Variants in DENND1B observed in about 807,000 individuals in gnomAD.
The protein encoded by DENND1B is DENN domain containing 1B, also known as DENN domain-containing protein 1B.
Under a neutral mutation model 90.1 loss-of-function variants are expected in DENND1B, and 59 were observed. The ratio of observed to expected loss-of-function variants is 0.65; its 90% CI spans 0.53 to 0.81. The LOEUF is 0.81. DENND1B is among the 40% of genes least tolerant of loss of function. The pLI is 0.00. For synonymous variants in DENND1B, 337 were observed against 324.6 expected, an observed-to-expected ratio of 1.04 and a Z score of -0.41; for missense variants, 862 against 912.6, an observed-to-expected ratio of 0.94 and a Z score of 0.71.
At chr1:197,553,149 A>C (rs369137440) in intron 15 of DENND1B, 37 bp from the exon 16 acceptor site, 32 of 1,452,136 alleles carry the variant, frequency 2.2e-5, no homozygotes, top group Non-Finnish European at 2.9e-5. Flanking sequence ...TGTATCAAAT[A>C]AAATGTTATC....
chr1:197,674,105 A>G lies in DENND1B; in HGVS notation c.176+15T>C. 1 of 1,554,238 alleles carries G rather than the reference A, an allele frequency of 6.4e-7. No homozygotes were observed. Among genetic ancestry groups the G allele is most frequent in the African/African-American group, 1.4e-5 (1 of 72,784 alleles). ...TAAGAATCTACATTTATTTTAAATG[A>G]TACTTATACTGTACCTTTCAACGTC... On this transcript the variant is annotated intron_variant, in intron 4 of 22. Coordinates refer to ENST00000620048, the MANE Select transcript of DENND1B (RefSeq NM_001195215.2).
intron 10 of DENND1B, among the ~76,000 whole-genome samples, chr1:197,637,561 T>C (rs544801317): frequency 1.3e-5 from 2 of 152,204 alleles, no homozygotes; most frequent in South Asian, 4.1e-4. Flanking sequence ...CCTTCACACA[T>C]CCCTTCCAAT....
intron 12 of DENND1B, among the ~76,000 whole-genome samples, chr1:197,608,110 T>C (rs1433365132): frequency 3.3e-5 from 5 of 150,646 alleles, no homozygotes. Flanking sequence ...TAATAGTCAT[T>C]TTTGAAAACT....
At chr1:197,774,752 GGACACCAC>G in intron 1 of DENND1B, 1 of 164,472 alleles carries the variant, frequency 6.1e-6, no homozygotes, top group Admixed American at 6.4e-5. Context: ...ACTCCCTCCC[GGACACCAC>G]ACGCACACAG....
At chr1:197,520,372 G>C (rs911104058) in intron 20 of DENND1B, among the ~76,000 whole-genome samples, 3 of 151,886 alleles carry the variant, frequency 2.0e-5, no homozygotes, top group Non-Finnish European at 4.4e-5. Context: ...ATTCCTCATT[G>C]TATGAACATA....
chr1:197,770,721 T>A (rs1328536438), intron 2 of DENND1B, among the ~76,000 whole-genome samples: 13 of 141,488 alleles, frequency 9.2e-5, no homozygotes, highest in Admixed American at 6.6e-4. Context: ...TAAATATATA[T>A]CTATAAATAT....
At chr1:197,529,788 A>T (rs751734955) in intron 20 of DENND1B, among the ~76,000 whole-genome samples, 22 of 152,154 alleles carry the variant, frequency 1.4e-4, no homozygotes, top group Non-Finnish European at 3.2e-4. Context: ...TTTTTCACTA[A>T]GTCTCCAGTA....
At chr1:197,640,027 A>G (rs1368251098) in intron 10 of DENND1B, among the ~76,000 whole-genome samples, 1 of 152,190 alleles carries the variant, frequency 6.6e-6, no homozygotes, top group Non-Finnish European at 1.5e-5. Flanking sequence ...AATTGTCATA[A>G]ACAGTTGATA....
chr1:197,736,902 A>G lies in DENND1B; in HGVS notation c.83-21828T>C, dbSNP rs76910397. Among the ~76,000 whole-genome samples, 1,393 of 152,316 alleles carry G rather than the reference A, an allele frequency of 9.1e-3. 20 individuals carry two copies. The highest frequency in any genetic ancestry group is 0.031 in the African/African-American group (1,273 of 41,552). On this transcript the variant is annotated intron_variant, in intron 2 of 22. Transcript: ENST00000620048. The stretch of plus-strand genomic sequence containing the variant: ...GCGACTGCTGAGTACACACCCAAGC[A>G]TCTATTCTTTTGAATGTCTCTTTGA...
chr1:197,669,041 T>C (rs1655224096), intron 5 of DENND1B, among the ~76,000 whole-genome samples: 1 of 152,180 alleles, frequency 6.6e-6, no homozygotes. Context: ...GCTTTACTTA[T>C]TTTTCTATCA....
chr1:197,716,714 GTTCT>G (rs1477634333), intron 2 of DENND1B, among the ~76,000 whole-genome samples: 5 of 151,770 alleles, frequency 3.3e-5, no homozygotes, highest in African/African-American at 1.2e-4. Context: ...ATACAGAACA[GTTCT>G]TTCTCATGAA....
chr1:197,691,897 C>A (rs1255121740), intron 3 of DENND1B, among the ~76,000 whole-genome samples: 1 of 151,786 alleles, frequency 6.6e-6, no homozygotes, highest in Non-Finnish European at 1.5e-5. Context: ...TTAAATGAGA[C>A]ATCAAAAATA....
intron 2 of DENND1B, among the ~76,000 whole-genome samples, chr1:197,758,790 CT>C (rs1654629898): frequency 6.6e-6 from 1 of 151,984 alleles, no homozygotes; most frequent in Non-Finnish European, 1.5e-5. Context: ...GATTTAATTA[CT>C]TATTCACAGT....
At chr1:197,562,165 TTTG>T (rs1672223225) in intron 15 of DENND1B, among the ~76,000 whole-genome samples, 2 of 151,942 alleles carry the variant, frequency 1.3e-5, no homozygotes, top group African/African-American at 4.8e-5. Flanking sequence ...TAAATTATAA[TTTG>T]TTATTAGAAA....
intron 11 of DENND1B, 23 bp downstream of exon 11, chr1:197,617,636 G>A: frequency 6.5e-7 from 1 of 1,547,564 alleles, no homozygotes; most frequent in Non-Finnish European, 8.9e-7. Flanking sequence ...AAACTTAAAG[G>A]AGTCTGGCAA....
intron 2 of DENND1B, among the ~76,000 whole-genome samples, chr1:197,732,497 G>A (rs987466705): frequency 6.6e-6 from 1 of 152,090 alleles, no homozygotes; most frequent in South Asian, 2.1e-4. Flanking sequence ...AATGTGTATT[G>A]TTACCAAAGG....
chr1:197,636,905 G>C (rs549145754), intron 10 of DENND1B, among the ~76,000 whole-genome samples: 108 of 152,126 alleles, frequency 7.1e-4, no homozygotes, highest in African/African-American at 2.6e-3. Flanking sequence ...AGGAGAAGGA[G>C]ACTATGGGGA....
rs75247398 is a variant in DENND1B at position 197,714,463 on chromosome 1, A to G, written c.126+568T>C. On this transcript the variant is annotated intron_variant, in intron 3 of 22. Coordinates refer to ENST00000620048, the MANE Select transcript of DENND1B (RefSeq NM_001195215.2). ...ATACTAAATATTTGAGGAACTACAG[A>G]AGACTATAACATAAAATGCAAATGG... Among the ~76,000 whole-genome samples the G allele has an allele frequency of 5.3e-3, 800 of 152,244 alleles. 9 individuals carry two copies. The highest frequency in any genetic ancestry group is 0.018 in the African/African-American group (743 of 41,552).
In DENND1B at chr1:197,583,208, A is replaced by G; in HGVS notation, c.1093T>C (p.Ser365Pro). 6.2e-7 allele frequency: 1 copy of G among 1,613,894 alleles called. No individual in the cohort carries two copies. The highest frequency in any genetic ancestry group is 8.5e-7 in the Non-Finnish European group (1 of 1,179,814). The change falls in exon 15 of 23, where the codon TCA becomes CCA. Residue 365 changes from serine to proline, a missense_variant. Physicochemically the swap from Ser to Pro is moderately conservative, Grantham distance 74. Coordinates refer to ENST00000620048, the MANE Select transcript of DENND1B (RefSeq NM_001195215.2). ...FCEESFVKHR[S>P]SVMKQFLETA... is the part of the protein sequence containing the mutation. ...TCCAGGAACTGTTTCATCACGCTTG[A>G]GCGGTGCTTTACAAAACTCTCCTCA...
Sources: allele counts gnomAD v4.1 joint callset (sites outside exome capture counted in the v4.1 genomes callset), GRCh38; gene constraint gnomAD v4.1.1; transcripts MANE v1.5; gene names NCBI Gene and HGNC (gene_info 2026-07-23, HGNC 2026-07-21).